Variants in ATP2B2 observed in about 807,000 individuals in gnomAD.
ATP2B2 encodes ATPase plasma membrane Ca2+ transporting 2, also known as plasma membrane calcium-transporting ATPase 2.
ATP2B2 carries 15 observed loss-of-function variants against 120.0 expected under a neutral mutation model. That is an observed-to-expected ratio of 0.12 (90% CI 0.08 to 0.19). ATP2B2 has a LOEUF of 0.19. Among genes scored for constraint, ATP2B2 ranks in the 10% least tolerant of loss-of-function variants. ATP2B2 has a pLI of 1.00. For missense variants in ATP2B2, 1,045 were observed against 1,719.8 expected, an observed-to-expected ratio of 0.61 and a Z score of 6.94; for synonymous variants, 694 against 700.3, an observed-to-expected ratio of 0.99 and a Z score of 0.14.
intron 1 of ATP2B2, among the ~76,000 whole-genome samples, chr3:10,671,798 G>C (rs1403251908): frequency 6.6e-6 from 1 of 152,128 alleles, no homozygotes; most frequent in East Asian, 1.9e-4. Flanking sequence ...GTGAGGTGAT[G>C]AACATTTTTG....
intron 2 of ATP2B2, among the ~76,000 whole-genome samples, chr3:10,616,364 G>A (rs958889485): frequency 6.6e-6 from 1 of 152,154 alleles, no homozygotes; most frequent in Non-Finnish European, 1.5e-5. Flanking sequence ...AGCTGTCTAG[G>A]AGCCAAAGAG....
At chr3:10,633,737 T>C (rs1273474954) in intron 1 of ATP2B2, among the ~76,000 whole-genome samples, 2 of 152,294 alleles carry the variant, frequency 1.3e-5, no homozygotes, top group Admixed American at 1.3e-4. Flanking sequence ...GCAACAAAGC[T>C]TAGGTAAGCC....
chr3:10,499,533 T>C (rs2066295018), intron 1 of ATP2B2, among the ~76,000 whole-genome samples: 1 of 152,212 alleles, frequency 6.6e-6, no homozygotes, highest in Non-Finnish European at 1.5e-5. Flanking sequence ...ATGATGAACA[T>C]TTCGGTACTT....
In ATP2B2 at chr3:10,358,939, G is replaced by A; in HGVS notation, c.1902-14C>T. The A allele has an allele frequency of 6.2e-7, 1 of 1,612,158 alleles. No homozygotes were observed. Among genetic ancestry groups the A allele is most frequent in the Non-Finnish European group, 8.5e-7 (1 of 1,179,622 alleles). On this transcript the variant is annotated splice_polypyrimidine_tract_variant and intron_variant, in intron 13 of 22. Transcript: ENST00000360273. ...ATTTTGCAGCACCTAGGGGAGGATG[G>A]AAGGGAGATGGGGAGCCCAGGGAAT... is the stretch of plus-strand genomic sequence containing the variant.
chr3:10,656,263 C>T (rs2070625223), intron 1 of ATP2B2, among the ~76,000 whole-genome samples: 1 of 152,140 alleles, frequency 6.6e-6, no homozygotes, highest in Non-Finnish European at 1.5e-5. Flanking sequence ...CACTTCATCG[C>T]ATCATTTCTC....
intron 1 of ATP2B2, among the ~76,000 whole-genome samples, chr3:10,644,277 G>A (rs1170857200): frequency 6.6e-6 from 1 of 152,152 alleles, no homozygotes; most frequent in Non-Finnish European, 1.5e-5. Flanking sequence ...TTTGGCAAGG[G>A]TGTGGAGAAA....
intron 2 of ATP2B2, among the ~76,000 whole-genome samples, chr3:10,581,474 G>T (rs1343519646): frequency 1.3e-5 from 2 of 152,138 alleles, no homozygotes; most frequent in East Asian, 3.9e-4. Context: ...GCCGGGGAGC[G>T]CTGGCCCACA....
intron 2 of ATP2B2, among the ~76,000 whole-genome samples, chr3:10,535,736 G>A (rs1425755438): frequency 6.6e-6 from 1 of 152,096 alleles, no homozygotes; most frequent in Non-Finnish European, 1.5e-5. Context: ...TATTCCCTAC[G>A]TGGATGCATT....
In ATP2B2 at chr3:10,675,795, C is replaced by T. The variant is rs569455813; in HGVS notation, c.-460+32120G>A. Among the ~76,000 whole-genome samples, 9 of 152,336 alleles carry T rather than the reference C, an allele frequency of 5.9e-5. No homozygotes were observed. In the East Asian group the frequency reaches 1.2e-3, roughly 20 times the overall value. On this transcript the variant is annotated intron_variant, in intron 1 of 21. Transcript: ENST00000646379. ...GACACTCCAGCCACATGCAAGGCCA[C>T]AGCCTCAGGGTCTTTGCACATGTTG...
chr3:10,641,995 TC>T (rs2070185359), intron 1 of ATP2B2, among the ~76,000 whole-genome samples: 1 of 151,036 alleles, frequency 6.6e-6, no homozygotes, highest in South Asian at 2.1e-4. Context: ...CATCCACCCA[TC>T]CACCCATCCA....
rs759212037 is a variant in ATP2B2 at position 10,358,882 on chromosome 3, G to A, written c.1945C>T (p.Arg649Trp). ...LNGAGEPRVF[R>W]PRDRDEMVKK... is the part of the protein sequence containing the mutation. Reference sequence around the variant, plus strand: ...ACCATCTCGTCCCGGTCGCGGGGCCGGAAGACACGAGGCTCTCCCGCCCCA... The same window carrying A: ...ACCATCTCGTCCCGGTCGCGGGGCCAGAAGACACGAGGCTCTCCCGCCCCA... The change falls in exon 14 of 23, where the codon CGG (arginine) becomes TGG (tryptophan). Residue 649 changes from arginine to tryptophan, a missense_variant. Arg to Trp is a moderately radical substitution (Grantham distance 101). This residue lies in a region of ATP2B2 where 343 missense variants were observed against 536.8 expected (regional missense o/e 0.64). Transcript: ENST00000360273. 9 of 1,614,018 alleles carry A rather than the reference G, an allele frequency of 5.6e-6. No homozygotes were observed. The highest frequency in any genetic ancestry group is 2.2e-5 in the East Asian group (1 of 44,876).
At chr3:10,583,367 T>C (rs964354032) in intron 2 of ATP2B2, among the ~76,000 whole-genome samples, 2 of 152,190 alleles carry the variant, frequency 1.3e-5, no homozygotes, top group African/African-American at 4.8e-5. Context: ...CCCAATAAAG[T>C]GCCTGTGGAG....
At chr3:10,642,682 T>A (rs1413015040) in intron 1 of ATP2B2, among the ~76,000 whole-genome samples, 5 of 126,806 alleles carry the variant, frequency 3.9e-5, no homozygotes, top group Non-Finnish European at 7.5e-5. Flanking sequence ...CATAGAGATT[T>A]AGCTAAAAAA....
Position 10,345,395 on chromosome 3 carries a change from A to C in ATP2B2, c.2692T>G (p.Cys898Gly). The C allele has an allele frequency of 2.5e-6, 4 of 1,614,134 alleles. No homozygotes were observed. Among genetic ancestry groups the C allele is most frequent in the Non-Finnish European group, 3.4e-6 (4 of 1,179,986 alleles). Residue 898 changes from cysteine to glycine, a missense_variant, in exon 18 of 23, where the codon TGC (cysteine) becomes GGC (glycine). By Grantham distance (159) the Cys-to-Gly change is radical. Transcript: ENST00000360273. ...VAVIVAFTGA[C>G]ITQDSPLKAV... Reference sequence around the variant, plus strand: ...TCCTGCGGACCCACCTGCGTGATGCAGGCGCCTGTGAAGGCCACAATCACG... The same window carrying C: ...TCCTGCGGACCCACCTGCGTGATGCCGGCGCCTGTGAAGGCCACAATCACG...
At chr3:10,619,283 G>T (rs749661180) in intron 2 of ATP2B2, among the ~76,000 whole-genome samples, 5 of 152,134 alleles carry the variant, frequency 3.3e-5, no homozygotes, top group Non-Finnish European at 5.9e-5. Flanking sequence ...CAAGACAGGG[G>T]CCAAAGACTG....
At chr3:10,426,603 T>A (rs1486395920) in intron 2 of ATP2B2, among the ~76,000 whole-genome samples, 3 of 152,204 alleles carry the variant, frequency 2.0e-5, no homozygotes, top group Non-Finnish European at 4.4e-5. Flanking sequence ...ACAGAAGGAC[T>A]TGGGGAAATG....
chr3:10,367,040 C>T (rs1281900372), intron 12 of ATP2B2, among the ~76,000 whole-genome samples: 1 of 152,242 alleles, frequency 6.6e-6, no homozygotes, highest in Non-Finnish European at 1.5e-5. Context: ...TCAGCCCTCA[C>T]ACCACCCTCC....
At chr3:10,420,508 C>A (rs1461732097) in intron 2 of ATP2B2, among the ~76,000 whole-genome samples, 5 of 152,166 alleles carry the variant, frequency 3.3e-5, no homozygotes, top group Non-Finnish European at 5.9e-5. Flanking sequence ...GTTACAGGTG[C>A]CTGCCACCAT....
chr3:10,626,873 C>G (rs1000612100), intron 1 of ATP2B2: 20 of 3,516 alleles, frequency 5.7e-3, no homozygotes, highest in African/African-American at 8.7e-3. Flanking sequence ...GAGACACACA[C>G]ACACACACAC....
Sources: allele counts gnomAD v4.1 joint callset (sites outside exome capture counted in the v4.1 genomes callset), GRCh38; gene constraint gnomAD v4.1.1; regional missense constraint gnomAD v4.1.1; transcripts MANE v1.5; gene names NCBI Gene and HGNC (gene_info 2026-07-23, HGNC 2026-07-21).